ADAMTSL1: variants seen among roughly 807,000 people sequenced by gnomAD.
ADAMTSL1 encodes ADAMTS-like protein 1.
ADAMTSL1 carries 126 observed loss-of-function variants against 201.8 expected under a neutral mutation model. The observed-to-expected ratio is 0.62, with a 90% CI of 0.54 to 0.72. ADAMTSL1 has a LOEUF of 0.72. Among genes scored for constraint, ADAMTSL1 ranks in the 30% least tolerant of loss-of-function variants. The probability of loss-of-function intolerance (pLI) is 0.00; values close to 1 mark genes in which losing one functional copy is unlikely to be tolerated. For synonymous variants in ADAMTSL1, 1,121 were observed against 903.4 expected, an observed-to-expected ratio of 1.24 and a Z score of -4.32; for missense variants, 2,679 against 2,277.8, an observed-to-expected ratio of 1.18 and a Z score of -3.59.
Position 18,214,906 on chromosome 9 carries a change from A to G in ADAMTSL1, c.207+50925A>G, listed in dbSNP as rs73645737. On this transcript the variant is annotated intron_variant, in intron 2 of 29. Transcript: ENST00000680146. ...CCTGAATACACTTTCTGTAGACATT[A>G]TCTTCTGCCCACCGTAGATCAGGCA... Among the ~76,000 whole-genome samples, 634 of 152,286 alleles carry G rather than the reference A, an allele frequency of 4.2e-3. 1 individual carries two copies. Among genetic ancestry groups the G allele is most frequent in the African/African-American group, 0.014 (596 of 41,584 alleles).
At chr9:18,088,950 G>T (rs1157252278) in intron 1 of ADAMTSL1, among the ~76,000 whole-genome samples, 1 of 152,104 alleles carries the variant, frequency 6.6e-6, no homozygotes, top group Non-Finnish European at 1.5e-5. Context: ...TTCATTGCAG[G>T]ATTAGTTATA....
In ADAMTSL1 at chr9:18,136,366, C is replaced by T. The variant is rs373065363; in HGVS notation, c.88-27496C>T. On this transcript the variant is annotated intron_variant, in intron 1 of 29. Transcript: ENST00000680146. ...TTAGACAGTAAATGTAAGCAAATTG[C>T]ATTTAAGCAAGAGTGGCCTATATTC... Among the ~76,000 whole-genome samples the T allele has an allele frequency of 3.7e-4, 57 of 152,154 alleles. 1 individual carries two copies. The East Asian group carries it at 0.01, about 27-fold the overall frequency.
intron 2 of ADAMTSL1, among the ~76,000 whole-genome samples, chr9:18,434,019 A>G (rs899918695): frequency 6.6e-6 from 1 of 152,216 alleles, no homozygotes; most frequent in Non-Finnish European, 1.5e-5. Flanking sequence ...ATAACAAATC[A>G]TCTAGCCAGG....
At chr9:18,128,483 C>T (rs543912138) in intron 1 of ADAMTSL1, among the ~76,000 whole-genome samples, 39 of 152,242 alleles carry the variant, frequency 2.6e-4, no homozygotes, top group African/African-American at 9.1e-4. Flanking sequence ...CCACCTCAGT[C>T]TACCGAGTAG....
At chr9:18,535,242 C>G (rs1017179440) in intron 3 of ADAMTSL1, among the ~76,000 whole-genome samples, 1 of 152,178 alleles carries the variant, frequency 6.6e-6, no homozygotes, top group African/African-American at 2.4e-5. Flanking sequence ...GGCAAAATGC[C>G]ACCAGCCTCT....
At chr9:18,846,021 T>C (rs1826083064) in intron 23 of ADAMTSL1, among the ~76,000 whole-genome samples, 1 of 152,226 alleles carries the variant, frequency 6.6e-6, no homozygotes, top group Non-Finnish European at 1.5e-5. Context: ...CAAGAAGTAT[T>C]TACCAAGTGC....
chr9:18,737,853 C>G (rs1173921657), intron 15 of ADAMTSL1, among the ~76,000 whole-genome samples: 1 of 152,158 alleles, frequency 6.6e-6, no homozygotes, highest in Non-Finnish European at 1.5e-5. Flanking sequence ...ACTGGAAGAA[C>G]CAAGAGCTCC....
At chr9:18,482,026 T>C (rs1821753942) in intron 1 of ADAMTSL1, among the ~76,000 whole-genome samples, 1 of 152,172 alleles carries the variant, frequency 6.6e-6, no homozygotes, top group South Asian at 2.1e-4. Flanking sequence ...CATTTGGAAT[T>C]ATATTTCTGT....
chr9:18,278,757 C>G (rs56391525), intron 2 of ADAMTSL1, among the ~76,000 whole-genome samples: 6 of 151,988 alleles, frequency 3.9e-5, no homozygotes, highest in African/African-American at 1.2e-4. Context: ...TTCCACTTTC[C>G]TTTTTTGCTG....
intron 2 of ADAMTSL1, among the ~76,000 whole-genome samples, chr9:18,311,785 G>T (rs1834167945): frequency 6.6e-6 from 1 of 152,134 alleles, no homozygotes; most frequent in East Asian, 1.9e-4. Flanking sequence ...ATTGAAATGG[G>T]AACACATTTA....
At chr9:18,626,525 T>C (rs762591101) in intron 5 of ADAMTSL1, among the ~76,000 whole-genome samples, 20 of 152,122 alleles carry the variant, frequency 1.3e-4, no homozygotes, top group Admixed American at 3.3e-4. Context: ...GTGACTAAAA[T>C]GAGGTGAGTT....
chr9:18,808,639 G>A (rs1417933437), intron 20 of ADAMTSL1, among the ~76,000 whole-genome samples: 3 of 152,124 alleles, frequency 2.0e-5, no homozygotes, highest in Non-Finnish European at 4.4e-5. Context: ...AAAGCTCTCT[G>A]GTCCCTAACC....
At chr9:18,572,232 C>T (rs1822370341) in intron 3 of ADAMTSL1, among the ~76,000 whole-genome samples, 1 of 151,608 alleles carries the variant, frequency 6.6e-6, no homozygotes, top group Non-Finnish European at 1.5e-5. Flanking sequence ...TATTGTATGT[C>T]ATGATTTGAC....
At chr9:18,256,451 T>C (rs146512173) in intron 2 of ADAMTSL1, among the ~76,000 whole-genome samples, 38 of 152,122 alleles carry the variant, frequency 2.5e-4, no homozygotes, top group African/African-American at 8.4e-4. Flanking sequence ...AACCCTGAGG[T>C]TGGAGGATAT....
At chr9:18,498,845 G>T (rs1822678128) in intron 1 of ADAMTSL1, among the ~76,000 whole-genome samples, 1 of 152,212 alleles carries the variant, frequency 6.6e-6, no homozygotes, top group Non-Finnish European at 1.5e-5. Context: ...GGGTCATTGT[G>T]AGGATTAAAT....
At chr9:18,117,619 C>T (rs1022105294) in intron 1 of ADAMTSL1, among the ~76,000 whole-genome samples, 5 of 152,128 alleles carry the variant, frequency 3.3e-5, no homozygotes, top group African/African-American at 9.7e-5. Flanking sequence ...TCCCATGGCA[C>T]CTGTCACCTA....
At chr9:18,301,633 T>C (rs774189786) in intron 2 of ADAMTSL1, among the ~76,000 whole-genome samples, 14 of 152,194 alleles carry the variant, frequency 9.2e-5, no homozygotes, top group Non-Finnish European at 2.1e-4. Flanking sequence ...TGTACTCTCC[T>C]CGCCTATTTT....
At chr9:18,460,099 C>T (rs1452800317) in intron 2 of ADAMTSL1, among the ~76,000 whole-genome samples, 2 of 152,168 alleles carry the variant, frequency 1.3e-5, no homozygotes, top group Non-Finnish European at 2.9e-5. Context: ...TGTTGGCACT[C>T]TCATTGCAGA....
At chr9:18,471,656 C>T (rs1271432732), upstream of ADAMTSL1, among the ~76,000 whole-genome samples, 1 of 152,094 alleles carries the variant, frequency 6.6e-6, no homozygotes, top group African/African-American at 2.4e-5. Context: ...AATTGCTTTT[C>T]CTAGTTTCTC....
Sources: gnomAD v4.1 joint callset for allele counts (sites outside exome capture counted in the v4.1 genomes callset) on GRCh38, gnomAD v4.1.1 for gene constraint, MANE v1.5 for transcripts, NCBI Gene and HGNC (gene_info 2026-07-23, HGNC 2026-07-21) for gene names.